The following MED17 variants were observed in gnomAD, a reference collection of about 807,000 sequenced individuals.
MED17 encodes the protein mediator complex subunit 17, also known as mediator of RNA polymerase II transcription subunit 17.
Under a neutral mutation model 80.8 loss-of-function variants are expected in MED17, and 49 were observed. That is an observed-to-expected ratio of 0.61 (90% CI 0.48 to 0.77). The LOEUF (loss-of-function observed/expected upper bound fraction) is 0.77. Among genes scored for constraint, MED17 ranks in the 30% least tolerant of loss-of-function variants. The pLI, the probability that MED17 is intolerant of heterozygous loss-of-function variation, is 0.00. For missense variants in MED17, 718 were observed against 787.0 expected (o/e 0.91, Z 1.05); for synonymous variants, 281 against 280.4 (o/e 1.00, Z -0.02).
At chr11:93,797,784 T>C in intron 8 of MED17, 65 bp downstream of exon 8, 5 of 1,436,606 alleles carry the variant, frequency 3.5e-6, no homozygotes, top group East Asian at 2.3e-5. Context: ...TCTTCTGTTA[T>C]TTCATAACAC....
chr11:93,807,377 C>T, intron 9 of MED17, 141 bp from the exon 10 acceptor site: 1 of 650,208 alleles, frequency 1.5e-6, no homozygotes, highest in Non-Finnish European at 2.8e-6. Flanking sequence ...CACGCCACTG[C>T]ACTCCAGCCT....
chr11:93,793,514 G>GTT (rs369708342), intron 3 of MED17: 335 of 424,066 alleles, frequency 7.9e-4, no homozygotes, highest in African/African-American at 1.9e-3. Flanking sequence ...ACTAAGAAGT[G>GTT]TTTTTTTTTT....
chr11:93,791,074 C>G (rs1304645318), intron 3 of MED17, among the ~76,000 whole-genome samples: 1 of 152,186 alleles, frequency 6.6e-6, no homozygotes, highest in Non-Finnish European at 1.5e-5. Flanking sequence ...CACCATTGCT[C>G]TCCAGCATGG....
chr11:93,803,818 A>G (rs1943987930), intron 9 of MED17, among the ~76,000 whole-genome samples: 1 of 151,856 alleles, frequency 6.6e-6, no homozygotes, highest in Non-Finnish European at 1.5e-5. Context: ...GTAAACTTCC[A>G]CAAAGAAAGA....
At chr11:93,792,984 A>G (rs1204525843) in intron 3 of MED17, among the ~76,000 whole-genome samples, 1 of 152,076 alleles carries the variant, frequency 6.6e-6, no homozygotes, top group Non-Finnish European at 1.5e-5. Flanking sequence ...ACTGGTTGAA[A>G]AAAAGATGTT....
intron 6 of MED17, 49 bp downstream of exon 6, chr11:93,795,109 G>A: frequency 6.9e-6 from 11 of 1,599,574 alleles, no homozygotes; most frequent in Non-Finnish European, 9.4e-6. Flanking sequence ...TGTGTTTTGG[G>A]GGACTAGGAC....
intron 9 of MED17, among the ~76,000 whole-genome samples, chr11:93,803,622 G>C (rs1004736873): frequency 6.6e-6 from 1 of 152,018 alleles, no homozygotes; most frequent in Non-Finnish European, 1.5e-5. Flanking sequence ...TACTTCTGTT[G>C]GTGTTTATTA....
At position 93,795,150 on chromosome 11, in the gene MED17, GAAT is replaced by G; in HGVS notation, c.1012+94_1012+96del. 1.8e-5 allele frequency: 25 copies of G among 1,376,960 alleles called. No individual in the cohort carries two copies. In the South Asian group the frequency reaches 2.9e-4, roughly 16 times the overall value. The allele number at this position is 1,376,960 out of a possible 1,614,324, so 85.3% of individuals were successfully genotyped here. ...AGGTAGCTCTTAGGGTGTATTGGGA[GAAT>G]AATGAGAGCAAAGAAATAGTGTGCT... is the stretch of plus-strand genomic sequence containing the variant. On this transcript the variant is annotated intron_variant, in intron 6 of 11. Transcript: ENST00000251871.
At chr11:93,804,564 A>G (rs1012570695) in intron 9 of MED17, among the ~76,000 whole-genome samples, 5 of 152,220 alleles carry the variant, frequency 3.3e-5, no homozygotes, top group South Asian at 2.1e-4. Context: ...ACAAGCATAT[A>G]TATCCTACCT....
At chr11:93,798,888 G>A (rs1262615054) in intron 8 of MED17, among the ~76,000 whole-genome samples, 1 of 152,134 alleles carries the variant, frequency 6.6e-6, no homozygotes, top group Non-Finnish European at 1.5e-5. Flanking sequence ...ATTTCTGATT[G>A]ACCATAAATT....
intron 2 of MED17, chr11:93,789,708 G>A (rs1943811124): frequency 6.6e-6 from 1 of 151,454 alleles, no homozygotes; most frequent in African/African-American, 2.4e-5. Flanking sequence ...GGTGGCTTAT[G>A]CCTGTAATTC....
intron 8 of MED17, among the ~76,000 whole-genome samples, chr11:93,800,472 T>G (rs1170123155): frequency 6.6e-6 from 1 of 151,766 alleles, no homozygotes; most frequent in African/African-American, 2.4e-5. Flanking sequence ...CTACTAAAAA[T>G]AGAAAAATTA....
chr11:93,807,402 G>A (rs923311635), intron 9 of MED17, 116 bp from the exon 10 acceptor site: 2 of 730,728 alleles, frequency 2.7e-6, no homozygotes, highest in Non-Finnish European at 4.8e-6. Flanking sequence ...AACAGGCTTT[G>A]AGACTTTGTC....
chr11:93,794,757 A>G (rs993913719), intron 5 of MED17, 151 bp from the exon 6 acceptor site: 16 of 801,246 alleles, frequency 2.0e-5, no homozygotes, highest in Admixed American at 2.8e-5. Flanking sequence ...GCAATTTTTG[A>G]CAGTCTCTAT....
At chr11:93,798,560 T>C (rs75702758) in intron 8 of MED17, among the ~76,000 whole-genome samples, 2,170 of 152,258 alleles carry the variant, frequency 0.014, 57 homozygotes, top group African/African-American at 0.05. Flanking sequence ...CTTCAGCTTT[T>C]AGTAAAAGGA....
chr11:93,798,965 G>A (rs538501182), intron 8 of MED17, among the ~76,000 whole-genome samples: 3 of 152,232 alleles, frequency 2.0e-5, no homozygotes, highest in Admixed American at 6.5e-5. Flanking sequence ...AAATTTCAGA[G>A]TAGTAAGTGT....
At chr11:93,789,466 G>A (rs1216050971) in intron 2 of MED17, 1 of 151,960 alleles carries the variant, frequency 6.6e-6, no homozygotes, top group African/African-American at 2.4e-5. Flanking sequence ...TTTTATTTAC[G>A]TTCCCTAATA....
At chr11:93,808,635 A>G (rs970723786) in intron 10 of MED17, 7 of 151,360 alleles carry the variant, frequency 4.6e-5, no homozygotes, top group African/African-American at 7.3e-5. Context: ...AACCTACCCT[A>G]TATCTCAGAA....
Position 93,812,447 on chromosome 11 carries a change from T to C in MED17, c.*383T>C, listed in dbSNP as rs1407406068. 2.6e-6 allele frequency: 1 copy of C among 390,544 alleles called. No individual in the cohort carries two copies. Among genetic ancestry groups the C allele is most frequent in the African/African-American group, 2.1e-5 (1 of 46,762 alleles). 24.2% of individuals were successfully genotyped at this position (390,544 alleles called of 1,614,324 possible). A position where few individuals can be genotyped will look rare whatever the true frequency, so the allele number is the denominator to read the frequency against. On this transcript the variant is annotated 3_prime_UTR_variant, in exon 12 of 12. Coordinates refer to ENST00000251871, the MANE Select transcript of MED17 (RefSeq NM_004268.5). ...TTTCCCCCCAAATACTTTCTAAACT[T>C]TTTTTTTTTGAGATGGTATCTCACT...
Sources: gnomAD v4.1 joint callset for allele counts (sites outside exome capture counted in the v4.1 genomes callset) on GRCh38, gnomAD v4.1.1 for gene constraint, MANE v1.5 for transcripts, NCBI Gene and HGNC (gene_info 2026-07-23, HGNC 2026-07-21) for gene names.